The following MSH4 variants were observed in gnomAD, a reference collection of about 807,000 sequenced individuals.
MSH4 encodes the protein mutS protein homolog 4.
A neutral mutation model predicts 113.7 loss-of-function variants in MSH4; 106 were observed. That is an observed-to-expected ratio of 0.93 (90% confidence interval 0.80 to 1.10). The LOEUF (loss-of-function observed/expected upper bound fraction) is 1.10. MSH4 is among the 50% of genes least tolerant of loss of function. The pLI is 0.00. For synonymous variants in MSH4, 368 were observed against 380.2 expected (o/e 0.97, Z 0.37); for missense variants, 1,061 against 1,093.7 (o/e 0.97, Z 0.42).
rs1479258091 is a variant in MSH4 at position 75,815,052 on chromosome 1, AC to A, written c.732del (p.Phe245SerfsTer7). 1 of 1,600,968 alleles carries A rather than the reference AC, an allele frequency of 6.2e-7. No homozygotes were observed. The highest frequency in any genetic ancestry group is 8.5e-7 in the Non-Finnish European group (1 of 1,171,536). On this transcript the variant is annotated frameshift_variant, in exon 5 of 20. Coordinates refer to ENST00000263187, the MANE Select transcript of MSH4 (RefSeq NM_002440.4). LOFTEE classifies it high-confidence loss of function. ...NVNFTTIQRKYFNETKGLEYI... is the reference protein window; with the variant it reads ...NVNFTTIQRKXFNETKGLEYI... ...AATTTCACTACTATCCAAAGGAAAT[AC>A]TTCAATGAAACAAAAGGATTAGAGT...
chr1:75,817,355 G>C (rs1650315558), intron 6 of MSH4, among the ~76,000 whole-genome samples: 1 of 94,816 alleles, frequency 1.1e-5, no homozygotes, highest in South Asian at 5.2e-4. Context: ...CATCCATTAG[G>C]TTATAGGTTA....
In MSH4 at chr1:75,872,593, A is replaced by G. The variant is rs149738263; in HGVS notation, c.1306-4343A>G. Reference sequence around the variant, plus strand: ...AGAAGCTAATGAAAAATAGAAAAACACTGCATAACATTTTAAAAAAAAGAA... The same window carrying G: ...AGAAGCTAATGAAAAATAGAAAAACGCTGCATAACATTTTAAAAAAAAGAA... On this transcript the variant is annotated intron_variant, in intron 9 of 19. Transcript: ENST00000263187. 1.6e-4 allele frequency among the ~76,000 whole-genome samples: 25 copies of G among 152,272 alleles called. 1 individual carries two copies. The East Asian group carries it at 4.8e-3, about 29-fold the overall frequency.
chr1:75,807,057 A>G lies in MSH4; in HGVS notation c.504A>G (p.Arg168=). 1 of 1,591,004 alleles carries G rather than the reference A, an allele frequency of 6.3e-7. No individual in the cohort carries two copies. Among genetic ancestry groups the G allele is most frequent in the Non-Finnish European group, 8.5e-7 (1 of 1,173,496 alleles). The change falls in exon 3 of 20, where the codon AGA becomes AGG. Residue 168 remains arginine (R), a synonymous_variant. Coordinates refer to ENST00000263187, the MANE Select transcript of MSH4 (RefSeq NM_002440.4). ...VAVVEGRGLA[R]GEIGMASIDL... is the part of the protein sequence containing the mutation. ...TTGTAGAAGGGAGAGGACTTGCCAG[A>G]GGTGAAATAGGAATGGCAAGTATTG...
At position 75,898,007 on chromosome 1, in the gene MSH4, A is replaced by G. The variant is rs753207447; in HGVS notation, c.2456A>G (p.Asn819Ser). 3.7e-6 allele frequency: 6 copies of G among 1,607,904 alleles called. No homozygotes were observed. In the Admixed American group the frequency reaches 6.7e-5, roughly 18 times the overall value. Residue 819 changes from asparagine to serine, a missense_variant, in exon 18 of 20, where the codon AAT (asparagine) becomes AGT (serine). By Grantham distance (46) the Asn-to-Ser change is conservative. Coordinates refer to ENST00000263187, the MANE Select transcript of MSH4 (RefSeq NM_002440.4). ...NMHFEVQHVK[N>S]TSRNKEAILY... ...CATTTTGAAGTTCAACATGTAAAGAATACCTCAAGAAATAAAGAAGCAATT... is the reference window on the plus strand; with the variant it reads ...CATTTTGAAGTTCAACATGTAAAGAGTACCTCAAGAAATAAAGAAGCAATT...
chr1:75,885,055 G>GTATATATATATATATATA (rs1469516814), intron 15 of MSH4, among the ~76,000 whole-genome samples: 4 of 102,260 alleles, frequency 3.9e-5, no homozygotes, highest in African/African-American at 1.6e-4. Flanking sequence ...GTGTGTGTGT[G>GTATATATATATATATATA]TGTGTATATA....
chr1:75,841,147 A>G (rs1001973144), intron 7 of MSH4, among the ~76,000 whole-genome samples: 14 of 139,860 alleles, frequency 1.0e-4, no homozygotes, highest in South Asian at 2.5e-4. Context: ...GATCTTGACC[A>G]GTCATTTCCT....
In MSH4 at chr1:75,796,945, C is replaced by A; in HGVS notation, c.-41C>A. ...TAGTTGGGCTACTGGAGGGGTCGCT[C>A]AGAAACCTCATACTTCTCGGGTCAG... On this transcript the variant is annotated 5_prime_UTR_variant, in exon 1 of 20. Coordinates refer to ENST00000263187, the MANE Select transcript of MSH4 (RefSeq NM_002440.4). The A allele has an allele frequency of 6.2e-7, 1 of 1,609,704 alleles. No individual in the cohort carries two copies. Among genetic ancestry groups the A allele is most frequent in the South Asian group, 1.1e-5 (1 of 90,828 alleles).
At chr1:75,848,422 A>G in intron 8 of MSH4, 146 bp downstream of exon 8, 1 of 659,504 alleles carries the variant, frequency 1.5e-6, no homozygotes, top group Non-Finnish European at 2.6e-6. Context: ...GCCACTGTAG[A>G]GGAAACTTTT....
Position 75,828,854 on chromosome 1 carries a change from ACAG to A in MSH4, c.1162+6275_1162+6277del, listed in dbSNP as rs373275395. Among the ~76,000 whole-genome samples the A allele has an allele frequency of 3.9e-4, 60 of 152,286 alleles. 1 individual carries two copies. Among genetic ancestry groups the A allele is most frequent in the African/African-American group, 1.4e-3 (59 of 41,564 alleles). On this transcript the variant is annotated intron_variant, in intron 7 of 19. Coordinates refer to ENST00000263187, the MANE Select transcript of MSH4 (RefSeq NM_002440.4). ...GAGGTTCCAAGATGGCCAAATAGGA[ACAG>A]CTCCAGTCTGCAGCTCCCAGCATGA...
At chr1:75,852,299 G>C (rs895842489) in intron 8 of MSH4, among the ~76,000 whole-genome samples, 10 of 152,088 alleles carry the variant, frequency 6.6e-5, no homozygotes, top group African/African-American at 2.4e-4. Context: ...TGGCTATTTA[G>C]GTTGTTTTCA....
intron 4 of MSH4, among the ~76,000 whole-genome samples, chr1:75,813,776 C>T (rs943542286): frequency 6.6e-6 from 1 of 151,588 alleles, no homozygotes. Flanking sequence ...CTTGGGAGGC[C>T]AGGGTGGGAG....
At chr1:75,815,789 G>A (rs1001631159) in intron 5 of MSH4, among the ~76,000 whole-genome samples, 11 of 151,902 alleles carry the variant, frequency 7.2e-5, no homozygotes, top group African/African-American at 2.7e-4. Flanking sequence ...CCAGCACTTC[G>A]GGAGGCCAAG....
At chr1:75,852,226 T>G (rs1459929631) in intron 8 of MSH4, among the ~76,000 whole-genome samples, 1 of 152,220 alleles carries the variant, frequency 6.6e-6, no homozygotes, top group Non-Finnish European at 1.5e-5. Flanking sequence ...TTATTCTTTG[T>G]ATTGACAAAT....
At chr1:75,863,093 A>T (rs946463550) in intron 8 of MSH4, among the ~76,000 whole-genome samples, 3 of 152,116 alleles carry the variant, frequency 2.0e-5, no homozygotes, top group Non-Finnish European at 2.9e-5. Context: ...AGTTTTTTGC[A>T]TCATTTTGAA....
Position 75,890,777 on chromosome 1 carries a change from G to A in MSH4, c.2308G>A (p.Gly770Ser), listed in dbSNP as rs1477188459. The A allele has an allele frequency of 6.2e-7, 1 of 1,609,616 alleles. No homozygotes were observed. The highest frequency in any genetic ancestry group is 8.5e-7 in the Non-Finnish European group (1 of 1,177,844). The change falls in exon 17 of 20, where the codon GGT becomes AGT. Residue 770 changes from glycine to serine, a missense_variant. By Grantham distance (56) the Gly-to-Ser change is moderately conservative. Transcript: ENST00000263187. ...ELGRGTNTEEGIGICYAVCEY... is the reference protein window; with the variant it reads ...ELGRGTNTEESIGICYAVCEY... Reference sequence around the variant, plus strand: ...TGGCAGAGGTACTAATACGGAAGAAGGTATTGGCATTTGTTATGCTGTTTG... The same window carrying A: ...TGGCAGAGGTACTAATACGGAAGAAAGTATTGGCATTTGTTATGCTGTTTG...
Position 75,797,318 on chromosome 1 carries a change from A to C in MSH4, c.244+89A>C. On this transcript the variant is annotated intron_variant, in intron 1 of 19. Transcript: ENST00000263187. The stretch of plus-strand genomic sequence containing the variant: ...GGGGCACGTGGGTGGTGGTTACCAC[A>C]GTGAAGTTGTGATTTGGTTGGGGCG... 2.0e-6 allele frequency: 3 copies of C among 1,472,330 alleles called. No homozygotes were observed. The East Asian group carries it at 7.3e-5, about 36-fold the overall frequency. 91.2% of individuals were successfully genotyped at this position (1,472,330 alleles called of 1,614,324 possible).
chr1:75,885,764 T>TATATATAATGTATTATATAGTATATATA (rs1368827473), intron 15 of MSH4, among the ~76,000 whole-genome samples: 54 of 113,120 alleles, frequency 4.8e-4, no homozygotes, highest in Non-Finnish European at 7.4e-4. Flanking sequence ...TTATATATAG[T>TATATATAATGTATTATATAGTATATATA]ATATATAATG....
chr1:75,893,599 C>T (rs367924110), intron 17 of MSH4, among the ~76,000 whole-genome samples: 24 of 152,280 alleles, frequency 1.6e-4, no homozygotes, highest in African/African-American at 4.3e-4. Context: ...CTCCTCAAGT[C>T]GCACTTCCAC....
At position 75,912,711 on chromosome 1, in the gene MSH4, A is replaced by T; in HGVS notation, c.2635A>T (p.Thr879Ser). ...TCAATGACAGCAAAACCAAAGGAGT[A>T]CCCCTGAGATGGAAAGACAGAGAGC... ...TRQILQNQRS[T>S]PEMERQRAVY... Residue 879 changes from threonine (T) to serine (S), a missense_variant, in exon 20 of 20, where the codon ACC becomes TCC. Transcript: ENST00000263187. 6.5e-7 allele frequency: 1 copy of T among 1,529,642 alleles called. No homozygotes were observed. The highest frequency in any genetic ancestry group is 2.3e-5 in the Admixed American group (1 of 43,746). The allele number at this position is 1,529,642 out of a possible 1,614,324, so 94.8% of individuals were successfully genotyped here. A position where few individuals can be genotyped will look rare whatever the true frequency, so the allele number is the denominator to read the frequency against.
Sources: gnomAD v4.1 joint callset for allele counts (sites outside exome capture counted in the v4.1 genomes callset) on GRCh38, gnomAD v4.1.1 for gene constraint, MANE v1.5 for transcripts, NCBI Gene and HGNC (gene_info 2026-07-23, HGNC 2026-07-21) for gene names.